Variants in PIK3C2G observed in about 807,000 individuals in gnomAD.
PIK3C2G encodes phosphatidylinositol 3-kinase C2 domain-containing subunit gamma.
In PIK3C2G, 168 loss-of-function variants were observed where a neutral mutation model predicts 181.1. That is an observed-to-expected ratio of 0.93 (90% CI 0.82 to 1.05). The LOEUF is 1.05. PIK3C2G is among the 50% of genes least tolerant of loss of function. The probability of loss-of-function intolerance (pLI) is 0.00; values close to 1 mark genes in which losing one functional copy is unlikely to be tolerated. For missense variants in PIK3C2G, 1,869 were observed against 1,732.8 expected (o/e 1.08, Z -1.40); for synonymous variants, 573 against 592.2 (o/e 0.97, Z 0.47).
chr12:18,497,182 A>C (rs1941082124), intron 21 of PIK3C2G, among the ~76,000 whole-genome samples: 1 of 152,190 alleles, frequency 6.6e-6, no homozygotes, highest in East Asian at 1.9e-4. Flanking sequence ...ACTCCCAGTC[A>C]AGAAGCTCTT....
At chr12:18,601,044 T>C (rs1215297915) in intron 30 of PIK3C2G, among the ~76,000 whole-genome samples, 1 of 151,810 alleles carries the variant, frequency 6.6e-6, no homozygotes, top group Admixed American at 6.6e-5. Flanking sequence ...CTTAAGAATA[T>C]CAAGGAAAAA....
chr12:18,246,429 T>C (rs1948040594), upstream of PIK3C2G, among the ~76,000 whole-genome samples: 1 of 152,190 alleles, frequency 6.6e-6, no homozygotes, highest in Admixed American at 6.5e-5. Context: ...ATATTATAGA[T>C]TATAATATTG....
the PIK3C2G span, chr12:18,723,426 C>G: frequency 2.5e-6 from 4 of 1,612,818 alleles, no homozygotes; most frequent in African/African-American, 2.7e-5. Flanking sequence ...AAAGAATTTT[C>G]CGGTTTTCAG....
At chr12:18,294,172 A>G (rs967981547) in intron 5 of PIK3C2G, among the ~76,000 whole-genome samples, 157 bp downstream of exon 5, 40 of 152,230 alleles carry the variant, frequency 2.6e-4, no homozygotes, top group African/African-American at 9.6e-4. Flanking sequence ...AATTTTCTAA[A>G]TCATATTAAC....
At chr12:18,262,661 T>C (rs946699693) in intron 1 of PIK3C2G, among the ~76,000 whole-genome samples, 2 of 150,564 alleles carry the variant, frequency 1.3e-5, no homozygotes, top group East Asian at 2.0e-4. Context: ...AAAAGGTTCA[T>C]AGTAGGTGAG....
At chr12:18,465,883 C>A (rs764595288) in intron 18 of PIK3C2G, among the ~76,000 whole-genome samples, 18 of 151,676 alleles carry the variant, frequency 1.2e-4, no homozygotes, top group Middle Eastern at 3.4e-3. Flanking sequence ...TTTCCCTGTT[C>A]TGCTTCTGGA....
intron 16 of PIK3C2G, among the ~76,000 whole-genome samples, chr12:18,416,006 A>G (rs1310623594): frequency 6.6e-6 from 1 of 152,262 alleles, no homozygotes; most frequent in African/African-American, 2.4e-5. Flanking sequence ...CCAGCACTTT[A>G]GGAGGCCGAG....
At chr12:18,700,936 G>A in the PIK3C2G span, among the ~76,000 whole-genome samples, 1 of 151,538 alleles carries the variant, frequency 6.6e-6, no homozygotes, top group Non-Finnish European at 1.5e-5. Flanking sequence ...TTTGCACTTC[G>A]CACAAAGCCT....
chr12:18,639,376 T>C (rs1408884242), intron 31 of PIK3C2G, among the ~76,000 whole-genome samples: 1 of 152,168 alleles, frequency 6.6e-6, no homozygotes, highest in African/African-American at 2.4e-5. Flanking sequence ...AATATCACTG[T>C]ATTTCAGAGC....
intron 30 of PIK3C2G, among the ~76,000 whole-genome samples, chr12:18,599,451 G>A (rs1170286278): frequency 1.3e-5 from 2 of 150,072 alleles, no homozygotes; most frequent in East Asian, 4.0e-4. Flanking sequence ...TGAACAATGA[G>A]AACACATGGA....
chr12:18,413,556 A>C (rs1363847885), intron 16 of PIK3C2G, among the ~76,000 whole-genome samples: 1 of 152,080 alleles, frequency 6.6e-6, no homozygotes, highest in African/African-American at 2.4e-5. Flanking sequence ...CATTTGTTAC[A>C]TTGTAATAAT....
intron 16 of PIK3C2G, among the ~76,000 whole-genome samples, chr12:18,405,228 T>C (rs1005860729): frequency 2.6e-5 from 4 of 152,196 alleles, no homozygotes; most frequent in African/African-American, 9.6e-5. Flanking sequence ...TATACAGGTC[T>C]GAATTTTAGC....
chr12:18,552,062 A>G (rs1037039423), intron 26 of PIK3C2G, among the ~76,000 whole-genome samples: 8 of 152,048 alleles, frequency 5.3e-5, no homozygotes, highest in African/African-American at 1.7e-4. Context: ...AAGTCTTAGG[A>G]GGGGCCATTA....
At chr12:18,696,149 C>G in the PIK3C2G span, 1 of 1,418,340 alleles carries the variant, frequency 7.1e-7, no homozygotes, top group South Asian at 1.2e-5. Context: ...ATATAACATA[C>G]CCATTTGACA....
chr12:18,303,210 CTCTTT>C, intron 5 of PIK3C2G, among the ~76,000 whole-genome samples: 1 of 140,980 alleles, frequency 7.1e-6, no homozygotes, highest in Non-Finnish European at 1.5e-5. Flanking sequence ...TCCTTTCTTT[CTCTTT>C]TCTTTCCTTC....
chr12:18,656,349 G>C, the PIK3C2G span, among the ~76,000 whole-genome samples: 4 of 152,134 alleles, frequency 2.6e-5, no homozygotes, highest in African/African-American at 9.6e-5. Flanking sequence ...AGGCTGAGGC[G>C]GGTGGATCAC....
At chr12:18,669,947 T>A in the PIK3C2G span, among the ~76,000 whole-genome samples, 2 of 151,980 alleles carry the variant, frequency 1.3e-5, no homozygotes, top group Non-Finnish European at 1.5e-5. Flanking sequence ...GGACTACAGG[T>A]GTGAGCCACC....
intron 24 of PIK3C2G, among the ~76,000 whole-genome samples, chr12:18,518,103 T>C (rs1487919581): frequency 1.3e-5 from 2 of 152,226 alleles, no homozygotes; most frequent in Non-Finnish European, 2.9e-5. Flanking sequence ...TTGTGGTGGA[T>C]AAGCTTTTTG....
At chr12:18,533,668 A>G (rs893828204) in intron 24 of PIK3C2G, among the ~76,000 whole-genome samples, 4 of 152,038 alleles carry the variant, frequency 2.6e-5, no homozygotes, top group Non-Finnish European at 4.4e-5. Context: ...AAAATCTTTC[A>G]CCTCACAAGC....
Sources: gnomAD v4.1 joint callset for allele counts (sites outside exome capture counted in the v4.1 genomes callset) on GRCh38, gnomAD v4.1.1 for gene constraint, MANE v1.5 for transcripts, NCBI Gene and HGNC (gene_info 2026-07-23, HGNC 2026-07-21) for gene names.